TECRL: variants seen among roughly 807,000 people sequenced by gnomAD.
The protein encoded by TECRL is trans-2,3-enoyl-CoA reductase like, also known as trans-2,3-enoyl-CoA reductase-like.
TECRL carries 63 observed loss-of-function variants against 52.8 expected under a neutral mutation model. The ratio of observed to expected loss-of-function variants is 1.19; its 90% confidence interval spans 0.97 to 1.47. The LOEUF is 1.47. TECRL is among the 40% of genes most tolerant of loss of function. The pLI is 0.00. For missense variants in TECRL, 482 were observed against 429.6 expected, an observed-to-expected ratio of 1.12 and a Z score of -1.08; for synonymous variants, 164 against 141.9, an observed-to-expected ratio of 1.16 and a Z score of -1.10.
intron 5 of TECRL, among the ~76,000 whole-genome samples, chr4:64,313,626 C>A (rs1349469773): frequency 8.0e-5 from 12 of 150,328 alleles, no homozygotes; most frequent in East Asian, 4.1e-4. Context: ...GGACTACAGG[C>A]ACCCGCCACC....
Position 64,375,175 on chromosome 4 carries a change from C to A in TECRL, c.283G>T (p.Ala95Ser). The A allele has an allele frequency of 7.3e-7, 1 of 1,368,026 alleles. No homozygotes were observed. Among genetic ancestry groups the A allele is most frequent in the African/African-American group, 1.5e-5 (1 of 64,538 alleles). The allele number at this position is 1,368,026 out of a possible 1,614,324, so 84.7% of individuals were successfully genotyped here. A position where few individuals can be genotyped will look rare whatever the true frequency, so the allele number is the denominator to read the frequency against. The change falls in exon 2 of 12, where the codon GCA becomes TCA. Residue 95 changes from alanine (A) to serine (S), a missense_variant. Transcript: ENST00000381210. ...IHDVKQKFHK[A>S]CPKWYPSRVG... ...CTAAATAATATATAAAACTTACATGCTTTGTGAAACTTTTGCTTAACATCA... is the reference window on the plus strand; with the variant it reads ...CTAAATAATATATAAAACTTACATGATTTGTGAAACTTTTGCTTAACATCA...
intron 8 of TECRL, chr4:64,299,112 AAAAGATCTCTCCTTTTC>A (rs1723858617): frequency 6.6e-6 from 1 of 151,202 alleles, no homozygotes; most frequent in Non-Finnish European, 1.5e-5. Context: ...AAGACAAAAA[AAAAGATCTCTCCTTTTC>A]AAAGCCAACA....
chr4:64,300,077 T>A, intron 7 of TECRL, 60 bp from the exon 8 acceptor site: 1 of 1,299,620 alleles, frequency 7.7e-7, no homozygotes, highest in Non-Finnish European at 1.1e-6. Context: ...GTCAAATATA[T>A]AGACATAATT....
Position 64,279,837 on chromosome 4 carries a change from C to A in TECRL, c.*235G>T. 1 of 1,049,968 alleles carries A rather than the reference C, an allele frequency of 9.5e-7. No homozygotes were observed. The highest frequency in any genetic ancestry group is 1.1e-6 in the Non-Finnish European group (1 of 872,338). The allele number at this position is 1,049,968 out of a possible 1,614,324, so 65.0% of individuals were successfully genotyped here. A position where few individuals can be genotyped will look rare whatever the true frequency, so the allele number is the denominator to read the frequency against. On this transcript the variant is annotated 3_prime_UTR_variant, in exon 12 of 12. Coordinates refer to ENST00000381210, the MANE Select transcript of TECRL (RefSeq NM_001010874.5). ...AAGTAAGACAATTTTATTCAAGGAC[C>A]AATCCCATGCAAATACATTCAGAGC...
chr4:64,351,264 T>C (rs753945024), intron 2 of TECRL, among the ~76,000 whole-genome samples: 9 of 139,290 alleles, frequency 6.5e-5, no homozygotes, highest in Non-Finnish European at 1.2e-4. Context: ...AACTGTGTAT[T>C]GTATATTTCA....
intron 10 of TECRL, 39 bp downstream of exon 10, chr4:64,281,435 T>C (rs755460502): frequency 6.5e-6 from 8 of 1,223,222 alleles, no homozygotes; most frequent in Admixed American, 2.1e-5. Context: ...TAGTATATCA[T>C]GAATAGGATT....
At chr4:64,303,542 G>T (rs915892662) in intron 7 of TECRL, among the ~76,000 whole-genome samples, 1 of 151,700 alleles carries the variant, frequency 6.6e-6, no homozygotes, top group Non-Finnish European at 1.5e-5. Flanking sequence ...GTTATTTGCT[G>T]AGTAAATTTG....
chr4:64,307,999 C>T (rs1055319206), intron 6 of TECRL, among the ~76,000 whole-genome samples: 9 of 152,110 alleles, frequency 5.9e-5, no homozygotes, highest in Admixed American at 2.0e-4. Context: ...AGAATTAGGA[C>T]CACATGAGAA....
rs538035334 is a variant in TECRL at position 64,348,439 on chromosome 4, C to G, written c.287-19883G>C. Among the ~76,000 whole-genome samples, 3 of 152,262 alleles carry G rather than the reference C, an allele frequency of 2.0e-5. No homozygotes were observed. The East Asian group carries it at 5.8e-4, about 29-fold the overall frequency. ...GCAAGATTTGTGTGGGTACACAGAG[C>G]CAAACCATATAACTTCACCATTGCC... is the stretch of plus-strand genomic sequence containing the variant. On this transcript the variant is annotated intron_variant, in intron 2 of 11. Transcript: ENST00000381210.
intron 7 of TECRL, 104 bp from the exon 8 acceptor site, chr4:64,300,121 C>A: frequency 1.3e-6 from 1 of 784,198 alleles, no homozygotes; most frequent in South Asian, 2.9e-5. Flanking sequence ...ATTCTATAAT[C>A]AATAGAACTG....
intron 7 of TECRL, among the ~76,000 whole-genome samples, chr4:64,302,399 A>G (rs1225319715): frequency 6.6e-6 from 1 of 151,406 alleles, no homozygotes; most frequent in Non-Finnish European, 1.5e-5. Context: ...AGAGCAAAGA[A>G]GAGCAGTGTC....
At chr4:64,309,705 T>C in intron 6 of TECRL, 121 bp downstream of exon 6, 2 of 722,148 alleles carry the variant, frequency 2.8e-6, no homozygotes, top group Non-Finnish European at 4.9e-6. Flanking sequence ...AATGTTTAAG[T>C]ATGCTTATGC....
At chr4:64,390,680 C>G (rs1337603042) in intron 1 of TECRL, among the ~76,000 whole-genome samples, 2 of 151,536 alleles carry the variant, frequency 1.3e-5, no homozygotes, top group African/African-American at 4.8e-5. Context: ...TTATATTGTC[C>G]AAGTAGTGTG....
At chr4:64,358,103 GA>G (rs34628124) in intron 2 of TECRL, among the ~76,000 whole-genome samples, 134,482 of 149,686 alleles carry the variant, frequency 0.9, 60,973 homozygotes, top group East Asian at 1. Context: ...TTGAAAAAAC[GA>G]AAAAAAAAAG....
chr4:64,302,579 A>C (rs1245565181), intron 7 of TECRL, among the ~76,000 whole-genome samples: 1 of 134,746 alleles, frequency 7.4e-6, no homozygotes, highest in Non-Finnish European at 1.7e-5. Flanking sequence ...TAAAGTCCAA[A>C]AGTCCAGTAA....
chr4:64,325,088 A>G (rs1168543761), intron 3 of TECRL, among the ~76,000 whole-genome samples: 1 of 152,188 alleles, frequency 6.6e-6, no homozygotes, highest in African/African-American at 2.4e-5. Context: ...TCACTGTGCT[A>G]TTGCTGGCTT....
rs1405475641 is a variant in TECRL at position 64,300,982 on chromosome 4, T to C, written c.731-965A>G. On this transcript the variant is annotated intron_variant, in intron 7 of 11. Transcript: ENST00000381210. ...CGTATAAATCTTTTACTAAATTTTG[T>C]TTTCTTGAGCTAGAAATTTAAAAGC... 4.0e-5 allele frequency among the ~76,000 whole-genome samples: 6 copies of C among 150,930 alleles called. No individual in the cohort carries two copies. In the East Asian group the frequency reaches 9.6e-4, roughly 24 times the overall value.
chr4:64,338,045 C>T (rs1475592939), intron 2 of TECRL, among the ~76,000 whole-genome samples: 1 of 152,136 alleles, frequency 6.6e-6, no homozygotes, highest in Non-Finnish European at 1.5e-5. Context: ...TATAAGGCTA[C>T]AATAACCAAA....
At chr4:64,403,640 A>G (rs1002284367) in intron 1 of TECRL, among the ~76,000 whole-genome samples, 2 of 152,062 alleles carry the variant, frequency 1.3e-5, no homozygotes, top group African/African-American at 4.8e-5. Flanking sequence ...AGTCAGAGAT[A>G]CCAGACCATG....
Sources: gnomAD v4.1 joint callset for allele counts (sites outside exome capture counted in the v4.1 genomes callset) on GRCh38, gnomAD v4.1.1 for gene constraint, MANE v1.5 for transcripts, NCBI Gene and HGNC (gene_info 2026-07-23, HGNC 2026-07-21) for gene names.